ERCC8: variants seen among roughly 807,000 people sequenced by gnomAD.
The protein encoded by ERCC8 is DNA excision repair protein ERCC-8.
Under a neutral mutation model 54.9 loss-of-function variants are expected in ERCC8, and 52 were observed. The ratio of observed to expected loss-of-function variants is 0.95; its 90% CI spans 0.76 to 1.19. ERCC8 has a LOEUF of 1.19. ERCC8 is among the 50% of genes most tolerant of loss of function. ERCC8 has a pLI of 0.00. For synonymous variants in ERCC8, 146 were observed against 157.2 expected (o/e 0.93, Z 0.53); for missense variants, 514 against 466.1 (o/e 1.10, Z -0.95).
intron 1 of ERCC8, among the ~76,000 whole-genome samples, chr5:60,938,676 T>C (rs1327604021): frequency 1.3e-5 from 2 of 152,228 alleles, no homozygotes; most frequent in Non-Finnish European, 2.9e-5. Flanking sequence ...GTTTGCTTAG[T>C]GGCCAAGAAC....
rs1749648243 is a variant in ERCC8, at chr5:60,923,103, T to G, written c.174-948A>C. Among the ~76,000 whole-genome samples the G allele has an allele frequency of 2.6e-5, 4 of 151,476 alleles. No homozygotes were observed. In the South Asian group the frequency reaches 8.3e-4, roughly 32 times the overall value. ...GGCAGGAGCCAAACCACTGAAGCCT[T>G]ACTTTTGGGAGTAAAAGAGGGTGCT... On this transcript the variant is annotated intron_variant, in intron 2 of 11. Transcript: ENST00000676185.
At chr5:60,892,617 TA>T in intron 9 of ERCC8, 1 of 665,928 alleles carries the variant, frequency 1.5e-6, no homozygotes, top group Admixed American at 2.0e-5. Flanking sequence ...AGAGAGAAGG[TA>T]ATAGTTGGAA....
chr5:60,884,113 A>G (rs940717729), intron 11 of ERCC8, among the ~76,000 whole-genome samples: 4 of 152,182 alleles, frequency 2.6e-5, no homozygotes, highest in Non-Finnish European at 5.9e-5. Context: ...TGGAAATATT[A>G]TAAGCTTGTC....
rs775978790 is a variant in ERCC8, at chr5:60,874,700, TAAA to T, written c.1123-20_1123-18del. On this transcript the variant is annotated intron_variant, in intron 11 of 11. Coordinates refer to ENST00000676185, the MANE Select transcript of ERCC8 (RefSeq NM_000082.4). ...TGTTGTAGTCTAAAAAAAAAAAAGA[TAAA>T]GAAAAAGGAAGATTCTGTTTTTTCT... The T allele has an allele frequency of 6.4e-6, 10 of 1,567,090 alleles. No individual in the cohort carries two copies. The highest frequency in any genetic ancestry group is 1.8e-4 in the Middle Eastern group (1 of 5,536).
intron 4 of ERCC8, among the ~76,000 whole-genome samples, chr5:60,906,013 C>T (rs1250291564): frequency 6.6e-6 from 1 of 151,986 alleles, no homozygotes; most frequent in African/African-American, 2.4e-5. Context: ...CCAGGTGGAG[C>T]CCCTGGTGTC....
At chr5:60,880,763 T>C (rs926121721) in intron 11 of ERCC8, among the ~76,000 whole-genome samples, 3 of 152,138 alleles carry the variant, frequency 2.0e-5, no homozygotes, top group Non-Finnish European at 4.4e-5. Flanking sequence ...GTTAGCCATT[T>C]GTCTAATTTT....
chr5:60,908,564 C>CATAT (rs1554073813), intron 4 of ERCC8, among the ~76,000 whole-genome samples: 2,136 of 143,990 alleles, frequency 0.015, 64 homozygotes, highest in African/African-American at 0.051. Context: ...CATATAAATA[C>CATAT]ATATATATAT....
At chr5:60,889,006 CTT>C (rs1748474390) in intron 10 of ERCC8, among the ~76,000 whole-genome samples, 1 of 152,164 alleles carries the variant, frequency 6.6e-6, no homozygotes, top group African/African-American at 2.4e-5. Context: ...TCTTCAGTCT[CTT>C]TGGCTTTTCT....
At chr5:60,892,833 C>G in intron 9 of ERCC8, 2 of 687,744 alleles carry the variant, frequency 2.9e-6, no homozygotes, top group South Asian at 3.3e-5. Context: ...GGCTCCCACA[C>G]TGCATGCATG....
rs143139297 is a variant in ERCC8, at chr5:60,933,216, C to CTTTTTT, written c.78-4263_78-4258dup. 8.9e-5 allele frequency among the ~76,000 whole-genome samples: 8 copies of CTTTTTT among 89,492 alleles called. 1 individual carries two copies. The highest frequency in any genetic ancestry group is 1.6e-4 in the Non-Finnish European group (8 of 48,854). 58.7% of individuals were successfully genotyped at this position (89,492 alleles called of 152,430 possible). On this transcript the variant is annotated intron_variant, in intron 1 of 11. Coordinates refer to ENST00000676185, the MANE Select transcript of ERCC8 (RefSeq NM_000082.4). ...ATGTATGCATTTTTTCCTTTTTTTTCTTTTTTTTTTTTTTTTTTTTGAGAC... is the reference window on the plus strand; with the variant it reads ...ATGTATGCATTTTTTCCTTTTTTTTCTTTTTTTTTTTTTTTTTTTTTTTTTTGAGAC...
chr5:60,876,536 C>A (rs1019542933), intron 11 of ERCC8, among the ~76,000 whole-genome samples: 51 of 152,326 alleles, frequency 3.3e-4, no homozygotes, highest in African/African-American at 6.5e-4. Context: ...TCCTCTCCAG[C>A]ACCTGTTGTT....
Position 60,867,694 on chromosome 5 carries a change from G to A in ERCC8, c.*6921C>T, listed in dbSNP as rs1747782335. Among the ~76,000 whole-genome samples the A allele has an allele frequency of 6.6e-6, 1 of 152,208 alleles. No individual in the cohort carries two copies. Among genetic ancestry groups the A allele is most frequent in the South Asian group, 2.1e-4 (1 of 4,824 alleles). On this transcript the variant is annotated 3_prime_UTR_variant, in exon 12 of 12. Transcript: ENST00000676185. ...AATAGTGGATGATACCATCATGCAG[G>A]GTGTAGAGAAGCTGGAATTAAGTGT...
chr5:60,938,358 T>C (rs1171347930), intron 1 of ERCC8, among the ~76,000 whole-genome samples: 1 of 143,942 alleles, frequency 6.9e-6, no homozygotes, highest in Non-Finnish European at 1.5e-5. Context: ...GAATTTTTTT[T>C]TTTTTTTTTT....
At chr5:60,908,418 T>C (rs1370537748) in intron 4 of ERCC8, among the ~76,000 whole-genome samples, 1 of 151,974 alleles carries the variant, frequency 6.6e-6, no homozygotes, top group Non-Finnish European at 1.5e-5. Flanking sequence ...TTATCTTCAT[T>C]TGGATTTCCT....
chr5:60,890,669 G>T (rs1384367777), intron 10 of ERCC8, among the ~76,000 whole-genome samples: 3 of 152,180 alleles, frequency 2.0e-5, no homozygotes, highest in Non-Finnish European at 1.5e-5. Context: ...AAAAGAAACA[G>T]AATTTATACC....
chr5:60,923,482 A>T (rs1446274689), intron 2 of ERCC8, among the ~76,000 whole-genome samples: 1 of 152,058 alleles, frequency 6.6e-6, no homozygotes, highest in Non-Finnish European at 1.5e-5. Flanking sequence ...CCTTTAACTG[A>T]CTTCCCTAAA....
chr5:60,918,479 G>T, intron 3 of ERCC8, 91 bp from the exon 4 acceptor site: 1 of 1,171,686 alleles, frequency 8.5e-7, no homozygotes, highest in Non-Finnish European at 1.3e-6. Flanking sequence ...TCTCAGGTAG[G>T]ATGATATGAA....
intron 1 of ERCC8, among the ~76,000 whole-genome samples, chr5:60,940,871 A>G (rs1004607978): frequency 1.3e-5 from 2 of 152,250 alleles, no homozygotes; most frequent in Non-Finnish European, 2.9e-5. Context: ...CAAAATGTCC[A>G]GGATGCAAAT....
intron 11 of ERCC8, among the ~76,000 whole-genome samples, chr5:60,881,794 C>A (rs556301109): frequency 6.6e-6 from 1 of 152,216 alleles, no homozygotes; most frequent in African/African-American, 2.4e-5. Flanking sequence ...AATTCCCTGA[C>A]CCCTTGTGCT....
Sources: allele counts gnomAD v4.1 joint callset (sites outside exome capture counted in the v4.1 genomes callset), GRCh38; gene constraint gnomAD v4.1.1; transcripts MANE v1.5; gene names NCBI Gene and HGNC (gene_info 2026-07-23, HGNC 2026-07-21).